SBSPON: variants seen among roughly 807,000 people sequenced by gnomAD.
SBSPON encodes the protein somatomedin B and thrombospondin type 1 domain containing, also known as somatomedin-B and thrombospondin type-1 domain-containing protein.
A neutral mutation model predicts 35.8 loss-of-function variants in SBSPON; 30 were observed. That is an observed-to-expected ratio of 0.84 (90% CI 0.63 to 1.14). The LOEUF (loss-of-function observed/expected upper bound fraction) is 1.14, where lower values mean the gene tolerates loss of function less well. Among genes scored for constraint, SBSPON ranks in the 50% most tolerant of loss-of-function variants. The pLI is 0.00. For missense variants in SBSPON, 364 were observed against 357.7 expected (o/e 1.02, Z -0.14); for synonymous variants, 136 against 135.9 (o/e 1.00, Z 0.00).
chr8:73,090,014 G>A (rs1480769469), intron 1 of SBSPON, among the ~76,000 whole-genome samples: 1 of 152,182 alleles, frequency 6.6e-6, no homozygotes, highest in Non-Finnish European at 1.5e-5. Flanking sequence ...TGGGTAGCTA[G>A]GACTACAAGG....
rs760936408 is a variant in SBSPON at position 73,067,403 on chromosome 8, TC to T, written c.732del (p.Trp244Ter). The T allele has an allele frequency of 6.2e-7, 1 of 1,612,500 alleles. No individual in the cohort carries two copies. The highest frequency in any genetic ancestry group is 2.2e-5 in the East Asian group (1 of 44,788). ...AIGNPRCQGT[W>X]KKVRRVDQCS... ...CACTGGTCTACTCGCCGAACTTTTTTCCAAGTTCCTTGACACCGAGGATTAC... is the reference window on the plus strand; with the variant it reads ...CACTGGTCTACTCGCCGAACTTTTTTCAAGTTCCTTGACACCGAGGATTAC... On this transcript the variant is annotated frameshift_variant, in exon 5 of 5. Coordinates refer to ENST00000297354, the MANE Select transcript of SBSPON (RefSeq NM_153225.4). LOFTEE classifies it high-confidence loss of function.
At chr8:73,089,554 C>T (rs1035927433) in intron 1 of SBSPON, among the ~76,000 whole-genome samples, 13 of 125,308 alleles carry the variant, frequency 1.0e-4, no homozygotes, top group East Asian at 2.1e-4. Context: ...AATGAGACTC[C>T]GTCTCAAAAA....
intron 3 of SBSPON, among the ~76,000 whole-genome samples, chr8:73,070,492 C>T (rs1466946875): frequency 6.6e-6 from 1 of 152,202 alleles, no homozygotes; most frequent in Non-Finnish European, 1.5e-5. Flanking sequence ...TCTCCACCCA[C>T]CTCACTTGTA....
At chr8:73,086,810 T>C (rs1810835441) in intron 1 of SBSPON, among the ~76,000 whole-genome samples, 1 of 152,232 alleles carries the variant, frequency 6.6e-6, no homozygotes, top group Admixed American at 6.5e-5. Context: ...GTAACAGGTT[T>C]CCAGGTGAGT....
At chr8:73,071,089 T>C (rs1363888543) in intron 3 of SBSPON, among the ~76,000 whole-genome samples, 1 of 152,162 alleles carries the variant, frequency 6.6e-6, no homozygotes, top group Non-Finnish European at 1.5e-5. Context: ...ACCCCTGGGC[T>C]CAAGCAATCC....
intron 1 of SBSPON, among the ~76,000 whole-genome samples, chr8:73,089,648 T>C (rs1283529066): frequency 2.0e-5 from 3 of 152,238 alleles, no homozygotes; most frequent in African/African-American, 7.2e-5. Flanking sequence ...AATGTATTTA[T>C]GATTTAATAT....
intron 1 of SBSPON, among the ~76,000 whole-genome samples, chr8:73,087,960 C>A (rs547707659): frequency 1.3e-5 from 2 of 152,252 alleles, no homozygotes; most frequent in Non-Finnish European, 2.9e-5. Flanking sequence ...GGATCTGTTC[C>A]CCTACTCTAC....
intron 4 of SBSPON, among the ~76,000 whole-genome samples, chr8:73,068,068 T>A (rs550240824): frequency 3.3e-5 from 5 of 152,270 alleles, no homozygotes; most frequent in Admixed American, 1.3e-4. Flanking sequence ...AAATGATCTC[T>A]TTTACTGCTT....
rs760801564 is a variant in SBSPON at position 73,071,804 on chromosome 8, C to G, written c.476G>C (p.Trp159Ser). The G allele has an allele frequency of 1.9e-6, 3 of 1,608,190 alleles. No homozygotes were observed. Among genetic ancestry groups the G allele is most frequent in the Non-Finnish European group, 2.6e-6 (3 of 1,175,462 alleles). ...ERTRQATSPHWSTHTEDAGYC... is the reference protein window; with the variant it reads ...ERTRQATSPHSSTHTEDAGYC... ...CCCAGCATCCTCTGTGTGTGTAGAC[C>G]AGTGTGGAGACGTAGCTTGTCGTGT... The change falls in exon 3 of 5, where the codon TGG (tryptophan) becomes TCG (serine). Residue 159 changes from tryptophan to serine, a missense_variant. Transcript: ENST00000297354.
intron 1 of SBSPON, among the ~76,000 whole-genome samples, chr8:73,091,120 A>G (rs1229426636): frequency 6.6e-6 from 1 of 152,176 alleles, no homozygotes; most frequent in East Asian, 1.9e-4. Flanking sequence ...TTTTGGCCTC[A>G]GGGCCTAGCA....
In SBSPON at chr8:73,065,480, A is replaced by AC. The variant is rs1810371146; in HGVS notation, c.*1860_*1861insG. On this transcript the variant is annotated 3_prime_UTR_variant, in exon 5 of 5. Coordinates refer to ENST00000297354, the MANE Select transcript of SBSPON (RefSeq NM_153225.4). ...CAAAAAGTTTATTTACTAGTATAAA[A>AC]ATTTTAAGTAACAGGCCAGGCGCAG... is the stretch of plus-strand genomic sequence containing the variant. The AC allele has an allele frequency of 6.6e-6, 1 of 152,176 alleles. No individual in the cohort carries two copies. 9.4% of individuals were successfully genotyped at this position (152,176 alleles called of 1,614,324 possible).
rs374893779 is a variant in SBSPON at position 73,069,967 on chromosome 8, A to G, written c.515T>C (p.Phe172Ser). The change falls in exon 4 of 5, where the codon TTT (phenylalanine) becomes TCT (serine). Residue 172 changes from phenylalanine to serine, a missense_variant. Phe to Ser is a radical substitution (Grantham distance 155). Coordinates refer to ENST00000297354, the MANE Select transcript of SBSPON (RefSeq NM_153225.4). Reference sequence around the variant, plus strand: ...GTGAGGAGTCAAGGACTCTGTCTTAAACTCCATACAGTATCTACAGCAAAA... The same window carrying G: ...GTGAGGAGTCAAGGACTCTGTCTTAGACTCCATACAGTATCTACAGCAAAA... ...HTEDAGYCME[F>S]KTESLTPHCA... is the part of the protein sequence containing the mutation. The G allele has an allele frequency of 3.1e-5, 49 of 1,590,612 alleles. No individual in the cohort carries two copies. The highest frequency in any genetic ancestry group is 4.1e-5 in the Non-Finnish European group (48 of 1,167,170).
At chr8:73,073,352 A>G (rs566914805) in intron 2 of SBSPON, among the ~76,000 whole-genome samples, 1 of 152,380 alleles carries the variant, frequency 6.6e-6, no homozygotes, top group East Asian at 1.9e-4. Context: ...CGCCAAAGTC[A>G]TCATCAACAT....
rs1016796882 is a variant in SBSPON at position 73,064,585 on chromosome 8, C to T, written c.*2756G>A. On this transcript the variant is annotated 3_prime_UTR_variant, in exon 5 of 5. Transcript: ENST00000297354. Reference sequence around the variant, plus strand: ...GTTTTATTAACATCAATTTTGTGCACATCTAGAAAAGATAGCTAACTGAAA... The same window carrying T: ...GTTTTATTAACATCAATTTTGTGCATATCTAGAAAAGATAGCTAACTGAAA... The T allele has an allele frequency of 6.6e-6, 1 of 152,164 alleles. No individual in the cohort carries two copies. The highest frequency in any genetic ancestry group is 1.5e-5 in the Non-Finnish European group (1 of 68,024). The allele number at this position is 152,164 out of a possible 1,614,324, so 9.4% of individuals were successfully genotyped here.
At chr8:73,090,525 C>T (rs181817121) in intron 1 of SBSPON, among the ~76,000 whole-genome samples, 111 of 152,334 alleles carry the variant, frequency 7.3e-4, no homozygotes, top group African/African-American at 2.6e-3. Context: ...CTGGGCCTCT[C>T]GGCTCCGGGC....
chr8:73,091,107 C>T (rs938199699), intron 1 of SBSPON, among the ~76,000 whole-genome samples: 1 of 152,206 alleles, frequency 6.6e-6, no homozygotes, highest in African/African-American at 2.4e-5. Context: ...GTCCTGTTCA[C>T]CATTTTGGCC....
chr8:73,081,581 G>T (rs1016625005), intron 1 of SBSPON, among the ~76,000 whole-genome samples: 1 of 151,676 alleles, frequency 6.6e-6, no homozygotes. Context: ...AATTTTATCT[G>T]CCCCTGCCCA....
In SBSPON at chr8:73,092,887, C is replaced by T; in HGVS notation, c.181G>A (p.Asp61Asn). The change falls in exon 1 of 5, where the codon GAC becomes AAC. Residue 61 changes from aspartate to asparagine, a missense_variant. Transcript: ENST00000297354. Reference sequence around the variant, plus strand: ...GCCCTGTCGTAGTCGAAGCAGCAGTCCCCGGTGAAGCGACAGGCTTGGTCG... The same window carrying T: ...GCCCTGTCGTAGTCGAAGCAGCAGTTCCCGGTGAAGCGACAGGCTTGGTCG... ...FCDQACRFTGDCCFDYDRACP... is the reference protein window; with the variant it reads ...FCDQACRFTGNCCFDYDRACP... 6.2e-7 allele frequency: 1 copy of T among 1,611,790 alleles called. No homozygotes were observed. The highest frequency in any genetic ancestry group is 8.5e-7 in the Non-Finnish European group (1 of 1,179,336).
At chr8:73,090,153 T>C (rs1810904148) in intron 1 of SBSPON, among the ~76,000 whole-genome samples, 1 of 152,232 alleles carries the variant, frequency 6.6e-6, no homozygotes, top group Non-Finnish European at 1.5e-5. Context: ...GCTGGGATTA[T>C]AGGCATGAGT....
Sources: allele counts gnomAD v4.1 joint callset (sites outside exome capture counted in the v4.1 genomes callset), GRCh38; gene constraint gnomAD v4.1.1; transcripts MANE v1.5; gene names NCBI Gene and HGNC (gene_info 2026-07-23, HGNC 2026-07-21).